DTNB: variants seen among roughly 807,000 people sequenced by gnomAD.
DTNB encodes DTN-B.
DTNB carries 63 observed loss-of-function variants against 90.7 expected under a neutral mutation model. The observed-to-expected ratio is 0.69, with a 90% CI of 0.57 to 0.86. The LOEUF is 0.86. Among genes scored for constraint, DTNB ranks in the 40% least tolerant of loss-of-function variants. The pLI is 0.00. For synonymous variants in DTNB, 277 were observed against 286.7 expected (o/e 0.97, Z 0.34); for missense variants, 744 against 807.1 (o/e 0.92, Z 0.95).
intron 9 of DTNB, among the ~76,000 whole-genome samples, chr2:25,508,749 G>C (rs2073169793): frequency 6.6e-6 from 1 of 151,968 alleles, no homozygotes; most frequent in Admixed American, 6.6e-5. Context: ...GGTCAGGCTG[G>C]TCTCAAACTC....
chr2:25,611,920 A>C (rs2068734061), intron 4 of DTNB, among the ~76,000 whole-genome samples: 1 of 152,174 alleles, frequency 6.6e-6, no homozygotes, highest in East Asian at 1.9e-4. Context: ...GGATAGACCA[A>C]GCAGAAGAAT....
chr2:25,500,102 C>T (rs2070158357), intron 9 of DTNB, among the ~76,000 whole-genome samples: 1 of 151,968 alleles, frequency 6.6e-6, no homozygotes, highest in African/African-American at 2.4e-5. Context: ...GGATCTCACT[C>T]TGTGGCCAGG....
intron 2 of DTNB, among the ~76,000 whole-genome samples, chr2:25,649,578 G>A (rs909629371): frequency 6.6e-6 from 1 of 152,032 alleles, no homozygotes; most frequent in Non-Finnish European, 1.5e-5. Flanking sequence ...AATTAGCCAG[G>A]CCTGCTGGCA....
chr2:25,580,236 C>T (rs6745060), intron 7 of DTNB, among the ~76,000 whole-genome samples: 89 of 152,148 alleles, frequency 5.8e-4, no homozygotes, highest in Non-Finnish European at 1.0e-3. Context: ...CCGCTTCGGC[C>T]TCCCAAAGTG....
chr2:25,415,236 A>G (rs13013139), intron 16 of DTNB, among the ~76,000 whole-genome samples: 12,725 of 150,182 alleles, frequency 0.085, 718 homozygotes, highest in South Asian at 0.12. Flanking sequence ...TTCCTGGCAT[A>G]AGAGCTTCTT....
chr2:25,423,469 C>T (rs1011222635), intron 15 of DTNB, among the ~76,000 whole-genome samples: 1 of 152,044 alleles, frequency 6.6e-6, no homozygotes, highest in Non-Finnish European at 1.5e-5. Flanking sequence ...ATAATAGTTT[C>T]CTGAAGCAGC....
intron 9 of DTNB, among the ~76,000 whole-genome samples, chr2:25,531,254 A>G (rs1219834434): frequency 6.6e-6 from 1 of 152,266 alleles, no homozygotes; most frequent in East Asian, 1.9e-4. Context: ...GGAGGCTGCC[A>G]TATTACTCAG....
intron 5 of DTNB, among the ~76,000 whole-genome samples, chr2:25,604,877 C>A (rs1031038194): frequency 1.3e-5 from 2 of 152,114 alleles, no homozygotes; most frequent in Middle Eastern, 3.2e-3. Flanking sequence ...GGAGCCACTG[C>A]ACCCGGCCTT....
chr2:25,619,197 C>G (rs911703369), intron 4 of DTNB, among the ~76,000 whole-genome samples: 2 of 152,146 alleles, frequency 1.3e-5, no homozygotes, highest in African/African-American at 4.8e-5. Flanking sequence ...CAAGCTGTTT[C>G]TATCTCTTTA....
At chr2:25,525,023 A>G (rs2076828189) in intron 9 of DTNB, among the ~76,000 whole-genome samples, 1 of 152,136 alleles carries the variant, frequency 6.6e-6, no homozygotes, top group Non-Finnish European at 1.5e-5. Flanking sequence ...AATCGGAAAT[A>G]ATGTCCAGCA....
intron 9 of DTNB, among the ~76,000 whole-genome samples, chr2:25,515,576 T>C (rs772353307): frequency 4.1e-5 from 3 of 74,068 alleles, no homozygotes; most frequent in African/African-American, 1.0e-4. Flanking sequence ...TCCATGCATT[T>C]ATTTATTTAT....
intron 3 of DTNB, among the ~76,000 whole-genome samples, chr2:25,633,693 G>C (rs999794262): frequency 6.6e-6 from 1 of 151,304 alleles, no homozygotes; most frequent in African/African-American, 2.4e-5. Context: ...GTCTCTGCCC[G>C]GCCGCTATCC....
intron 8 of DTNB, among the ~76,000 whole-genome samples, chr2:25,535,947 C>A (rs1260809707): frequency 1.4e-5 from 2 of 141,282 alleles, no homozygotes. Flanking sequence ...CTCACTTCCT[C>A]CCAGATGGGG....
At chr2:25,476,465 G>A (rs1396808782) in intron 10 of DTNB, among the ~76,000 whole-genome samples, 1 of 152,198 alleles carries the variant, frequency 6.6e-6, no homozygotes, top group Admixed American at 6.5e-5. Context: ...TCTGGACAAA[G>A]TAAATTGAAA....
chr2:25,394,239 C>T (rs529732121), intron 16 of DTNB, among the ~76,000 whole-genome samples: 175 of 152,244 alleles, frequency 1.1e-3, no homozygotes, highest in African/African-American at 4.0e-3. Context: ...ATACAAAAAT[C>T]AACTCAGGTT....
At chr2:25,453,531 G>A (rs562666658) in intron 11 of DTNB, among the ~76,000 whole-genome samples, 4 of 152,278 alleles carry the variant, frequency 2.6e-5, no homozygotes, top group Non-Finnish European at 5.9e-5. Context: ...GGGAGCCAAG[G>A]TGAGACTTCA....
intron 6 of DTNB, among the ~76,000 whole-genome samples, chr2:25,581,426 C>A (rs892085686): frequency 3.9e-5 from 6 of 152,194 alleles, no homozygotes. Context: ...TTGACAACAT[C>A]ATAGAGATAG....
intron 1 of DTNB, among the ~76,000 whole-genome samples, chr2:25,663,266 C>T (rs1169942377): frequency 6.6e-6 from 1 of 152,144 alleles, no homozygotes; most frequent in African/African-American, 2.4e-5. Flanking sequence ...GGCTGCACAG[C>T]ATTCGATGGT....
intron 5 of DTNB, among the ~76,000 whole-genome samples, chr2:25,599,355 T>A (rs1244714409): frequency 6.6e-6 from 1 of 152,030 alleles, no homozygotes; most frequent in Non-Finnish European, 1.5e-5. Context: ...AATTTTTTTT[T>A]TTTTTAGACG....
Sources: allele counts gnomAD v4.1 joint callset (sites outside exome capture counted in the v4.1 genomes callset), GRCh38; gene constraint gnomAD v4.1.1; transcripts MANE v1.5; gene names NCBI Gene and HGNC (gene_info 2026-07-23, HGNC 2026-07-21).